The following GALNTL6 variants were observed in gnomAD, a reference collection of about 807,000 sequenced individuals.
GALNTL6 encodes the protein polypeptide N-acetylgalactosaminyltransferase-like 6.
In GALNTL6, 46 loss-of-function variants were observed where a neutral mutation model predicts 73.7. The ratio of observed to expected loss-of-function variants is 0.62; its 90% CI spans 0.49 to 0.80. The LOEUF is 0.80. GALNTL6 is among the 30% of genes least tolerant of loss of function. The pLI is 0.00. For synonymous variants in GALNTL6, 259 were observed against 263.7 expected (o/e 0.98, Z 0.17); for missense variants, 604 against 755.0 (o/e 0.80, Z 2.34).
At chr4:172,821,872 A>C (rs536626486) in intron 7 of GALNTL6, among the ~76,000 whole-genome samples, 1 of 152,322 alleles carries the variant, frequency 6.6e-6, no homozygotes, top group African/African-American at 2.4e-5. Flanking sequence ...GAGATGTTCC[A>C]AAGCAAAGTT....
chr4:172,170,345 C>G (rs563321601), intron 2 of GALNTL6, among the ~76,000 whole-genome samples: 1 of 152,192 alleles, frequency 6.6e-6, no homozygotes, highest in East Asian at 1.9e-4. Context: ...ATGCCTCCTT[C>G]GGTCATTCTC....
intron 5 of GALNTL6, among the ~76,000 whole-genome samples, chr4:172,455,336 G>T (rs978658761): frequency 2.6e-5 from 4 of 152,092 alleles, no homozygotes; most frequent in African/African-American, 9.7e-5. Context: ...CCTCAGTGGC[G>T]CCTGGAACAC....
chr4:172,682,160 T>C (rs543854746), intron 5 of GALNTL6, among the ~76,000 whole-genome samples: 1 of 152,266 alleles, frequency 6.6e-6, no homozygotes, highest in African/African-American at 2.4e-5. Context: ...GATAATGATC[T>C]GGACAGATAA....
intron 5 of GALNTL6, among the ~76,000 whole-genome samples, chr4:172,618,633 T>C (rs905542425): frequency 2.0e-5 from 3 of 152,232 alleles, no homozygotes; most frequent in African/African-American, 7.2e-5. Flanking sequence ...CTTGCATCTA[T>C]ACATTCTATT....
At chr4:172,785,685 T>C (rs1009431443) in intron 5 of GALNTL6, among the ~76,000 whole-genome samples, 2 of 152,038 alleles carry the variant, frequency 1.3e-5, no homozygotes, top group African/African-American at 2.4e-5. Context: ...GATGGGGAGA[T>C]GGGGGTGTCT....
At chr4:171,977,435 T>A (rs1203506221) in intron 2 of GALNTL6, among the ~76,000 whole-genome samples, 1 of 152,176 alleles carries the variant, frequency 6.6e-6, no homozygotes, top group Non-Finnish European at 1.5e-5. Flanking sequence ...AAGTCCAAGA[T>A]TAAGATGCCA....
At chr4:171,850,430 G>A (rs977687628) in intron 2 of GALNTL6, among the ~76,000 whole-genome samples, 1 of 151,622 alleles carries the variant, frequency 6.6e-6, no homozygotes, top group Admixed American at 6.6e-5. Context: ...GTTATGGCTT[G>A]TGGAACAGGG....
At chr4:172,951,793 A>G (rs1749454988) in intron 9 of GALNTL6, among the ~76,000 whole-genome samples, 1 of 152,262 alleles carries the variant, frequency 6.6e-6, no homozygotes, top group Admixed American at 6.5e-5. Context: ...ACTGGCTCTG[A>G]TAAATTAACT....
At chr4:172,183,028 T>C (rs1048490761) in intron 2 of GALNTL6, among the ~76,000 whole-genome samples, 2 of 152,182 alleles carry the variant, frequency 1.3e-5, no homozygotes, top group African/African-American at 4.8e-5. Context: ...TGCTGATAGA[T>C]GAAAACCTGA....
intron 5 of GALNTL6, among the ~76,000 whole-genome samples, chr4:172,483,510 T>G (rs1733566539): frequency 6.6e-6 from 1 of 152,184 alleles, no homozygotes; most frequent in African/African-American, 2.4e-5. Flanking sequence ...CACTAGACTA[T>G]CAATAATTAT....
At chr4:172,800,937 T>A (rs1159390267) in intron 5 of GALNTL6, among the ~76,000 whole-genome samples, 1 of 152,150 alleles carries the variant, frequency 6.6e-6, no homozygotes, top group Non-Finnish European at 1.5e-5. Flanking sequence ...ACAGAACAAT[T>A]ATAAACTATA....
chr4:172,877,644 A>G (rs893312478), intron 7 of GALNTL6, among the ~76,000 whole-genome samples: 1 of 151,774 alleles, frequency 6.6e-6, no homozygotes, highest in Non-Finnish European at 1.5e-5. Flanking sequence ...AAGCATATTT[A>G]TTACCTTATT....
rs1476027115 is a variant in GALNTL6, at chr4:171,832,565, AT to A, written c.138+17848del. ...TGTTCCATTGTCAAGAACAATAGGC[AT>A]GTGAATACATTGCAAAAAAAAGTAT... On this transcript the variant is annotated intron_variant, in intron 2 of 12. Coordinates refer to ENST00000506823, the MANE Select transcript of GALNTL6 (RefSeq NM_001034845.3). 2.6e-5 allele frequency among the ~76,000 whole-genome samples: 4 copies of A among 151,664 alleles called. No homozygotes were observed. In the Admixed American group the frequency reaches 2.6e-4, roughly 10 times the overall value.
intron 5 of GALNTL6, among the ~76,000 whole-genome samples, chr4:172,466,371 G>A (rs909244337): frequency 7.2e-5 from 11 of 152,092 alleles, no homozygotes; most frequent in African/African-American, 2.4e-4. Flanking sequence ...TAGAGGTAAA[G>A]TTTTAATTTC....
intron 2 of GALNTL6, among the ~76,000 whole-genome samples, chr4:172,208,248 T>C (rs1202225957): frequency 6.6e-6 from 1 of 152,200 alleles, no homozygotes; most frequent in East Asian, 1.9e-4. Context: ...TACCTTTCCA[T>C]TATTTTTTGT....
At chr4:172,481,356 T>TGAGCACCAGCAAGACGTATTGCAAAGAGC (rs1554028706) in intron 5 of GALNTL6, among the ~76,000 whole-genome samples, 5 of 150,788 alleles carry the variant, frequency 3.3e-5, no homozygotes, top group African/African-American at 4.9e-5. Flanking sequence ...ACCCAAAGAG[T>TGAGCACCAGCAAGACGTATTGCAAAGAGC]GAGCACCAGC....
intron 5 of GALNTL6, among the ~76,000 whole-genome samples, chr4:172,713,213 A>C (rs1054206706): frequency 1.4e-5 from 2 of 145,020 alleles, no homozygotes; most frequent in Admixed American, 7.2e-5. Flanking sequence ...AGAACAACAA[A>C]AGAATAAGAT....
At chr4:172,052,637 C>T (rs1471025086) in intron 2 of GALNTL6, 7 of 623,018 alleles carry the variant, frequency 1.1e-5, no homozygotes, top group Non-Finnish European at 1.9e-5. Flanking sequence ...CACGTAGTCT[C>T]ACCATCATCT....
intron 2 of GALNTL6, among the ~76,000 whole-genome samples, chr4:172,010,400 A>G (rs1740970699): frequency 6.6e-6 from 1 of 152,098 alleles, no homozygotes; most frequent in Non-Finnish European, 1.5e-5. Context: ...GTTAGGTAAT[A>G]CCTTTGAATA....
Sources: allele counts gnomAD v4.1 joint callset (sites outside exome capture counted in the v4.1 genomes callset), GRCh38; gene constraint gnomAD v4.1.1; transcripts MANE v1.5; gene names NCBI Gene and HGNC (gene_info 2026-07-23, HGNC 2026-07-21).